Variants in ANXA3 observed in about 807,000 individuals in gnomAD.
ANXA3 encodes 35-alpha calcimedin.
A neutral mutation model predicts 48.8 loss-of-function variants in ANXA3; 46 were observed. The ratio of observed to expected loss-of-function variants is 0.94; its 90% CI spans 0.74 to 1.21. ANXA3 has a LOEUF of 1.21. ANXA3 is among the 50% of genes most tolerant of loss of function. The pLI is 0.00. For missense variants in ANXA3, 383 were observed against 378.6 expected (o/e 1.01, Z -0.10); for synonymous variants, 128 against 134.7 (o/e 0.95, Z 0.35).
rs192606406 is a variant in ANXA3, at chr4:78,580,815, C to T, written c.199-1362C>T. Among the ~76,000 whole-genome samples, 537 of 152,336 alleles carry T rather than the reference C, an allele frequency of 3.5e-3. 2 individuals carry two copies. The highest frequency in any genetic ancestry group is 0.012 in the African/African-American group (511 of 41,574). ...GCCTTAGGATAAGGACTTTGTCTAACTTACCTTTAAAGGACTAGCACAGAG... is the reference window on the plus strand; with the variant it reads ...GCCTTAGGATAAGGACTTTGTCTAATTTACCTTTAAAGGACTAGCACAGAG... On this transcript the variant is annotated intron_variant, in intron 4 of 12. Coordinates refer to ENST00000264908, the MANE Select transcript of ANXA3 (RefSeq NM_005139.3).
chr4:78,563,804 A>G (rs1722674017), intron 2 of ANXA3, among the ~76,000 whole-genome samples: 1 of 152,192 alleles, frequency 6.6e-6, no homozygotes, highest in Non-Finnish European at 1.5e-5. Flanking sequence ...ATATTTCTCC[A>G]TATATCCAGG....
chr4:78,585,218 T>C (rs559982271), intron 5 of ANXA3, among the ~76,000 whole-genome samples: 4 of 152,340 alleles, frequency 2.6e-5, no homozygotes, highest in South Asian at 2.1e-4. Flanking sequence ...ATTGTAAGGA[T>C]TAGATTCACC....
Position 78,562,564 on chromosome 4 carries a change from G to A in ANXA3, c.15+8076G>A, listed in dbSNP as rs145582705. Among the ~76,000 whole-genome samples the A allele has an allele frequency of 1.1e-4, 17 of 152,284 alleles. No individual in the cohort carries two copies. In the East Asian group the frequency reaches 2.7e-3, roughly 24 times the overall value. Reference sequence around the variant, plus strand: ...AAGAAACAGGATGCAGAACAAGAAAGCATTTTTAATTCATTTATTCACTCA... The same window carrying A: ...AAGAAACAGGATGCAGAACAAGAAAACATTTTTAATTCATTTATTCACTCA... On this transcript the variant is annotated intron_variant, in intron 2 of 12. Coordinates refer to ENST00000264908, the MANE Select transcript of ANXA3 (RefSeq NM_005139.3).
rs148686454 is a variant in ANXA3 at position 78,569,314 on chromosome 4, G to A, written c.16-3866G>A. Among the ~76,000 whole-genome samples, 824 of 151,980 alleles carry A rather than the reference G, an allele frequency of 5.4e-3. 3 individuals carry two copies. The highest frequency in any genetic ancestry group is 6.5e-3 in the Non-Finnish European group (445 of 67,972). ...GCCAAGTATTCAGGTGATGTTCTACGCTAGCACTGACTATGTTAGGACACT... is the reference window on the plus strand; with the variant it reads ...GCCAAGTATTCAGGTGATGTTCTACACTAGCACTGACTATGTTAGGACACT... On this transcript the variant is annotated intron_variant, in intron 2 of 12. Transcript: ENST00000264908.
At chr4:78,589,609 C>A (rs1164724529) in intron 6 of ANXA3, among the ~76,000 whole-genome samples, 1 of 152,174 alleles carries the variant, frequency 6.6e-6, no homozygotes, top group Non-Finnish European at 1.5e-5. Context: ...TTTGTCTACC[C>A]AAGGCTTATA....
intron 2 of ANXA3, among the ~76,000 whole-genome samples, chr4:78,559,802 T>C (rs1722589088): frequency 6.6e-6 from 1 of 152,246 alleles, no homozygotes; most frequent in Non-Finnish European, 1.5e-5. Flanking sequence ...TAATAGTGCT[T>C]ATCTCATCTA....
intron 2 of ANXA3, among the ~76,000 whole-genome samples, chr4:78,555,883 G>GA (rs374153495): frequency 6.7e-6 from 1 of 149,956 alleles, no homozygotes; most frequent in African/African-American, 2.4e-5. Context: ...TCTCAGAATT[G>GA]AAAAAAACAT....
chr4:78,583,224 C>T (rs1723108744), intron 5 of ANXA3, among the ~76,000 whole-genome samples: 1 of 152,120 alleles, frequency 6.6e-6, no homozygotes, highest in Non-Finnish European at 1.5e-5. Flanking sequence ...TTCCTGTAGT[C>T]CCAGCTACTT....
intron 12 of ANXA3, among the ~76,000 whole-genome samples, chr4:78,606,596 TG>T (rs1723652989): frequency 6.6e-6 from 1 of 152,138 alleles, no homozygotes; most frequent in African/African-American, 2.4e-5. Flanking sequence ...TAGCCACCCT[TG>T]AACAGGCACA....
intron 10 of ANXA3, among the ~76,000 whole-genome samples, chr4:78,598,168 A>C (rs1014235798): frequency 1.3e-5 from 2 of 149,364 alleles, no homozygotes; most frequent in Non-Finnish European, 1.5e-5. Context: ...TTGTCTCTTT[A>C]ATTAAAAAAA....
At chr4:78,572,546 G>T (rs1468228765) in intron 2 of ANXA3, among the ~76,000 whole-genome samples, 4 of 152,172 alleles carry the variant, frequency 2.6e-5, no homozygotes, top group African/African-American at 7.2e-5. Context: ...CATGCTGATT[G>T]GTTGGAGATG....
At chr4:78,585,064 A>T (rs1723144510) in intron 5 of ANXA3, among the ~76,000 whole-genome samples, 1 of 152,126 alleles carries the variant, frequency 6.6e-6, no homozygotes. Flanking sequence ...AGAGGGCATG[A>T]CCTCAGTGTG....
chr4:78,566,488 CAA>C (rs397777058), intron 2 of ANXA3, among the ~76,000 whole-genome samples: 4 of 141,472 alleles, frequency 2.8e-5, no homozygotes, highest in African/African-American at 7.9e-5. Flanking sequence ...CACTCAGCCA[CAA>C]AAAAAAAAAA....
chr4:78,590,084 A>G (rs1195592889), intron 6 of ANXA3, among the ~76,000 whole-genome samples: 7 of 152,230 alleles, frequency 4.6e-5, no homozygotes, highest in Non-Finnish European at 2.9e-5. Context: ...GGAAAGGGAG[A>G]GGCTGTGTGA....
chr4:78,597,476 C>A, intron 10 of ANXA3, 62 bp downstream of exon 10: 1 of 1,139,602 alleles, frequency 8.8e-7, no homozygotes, highest in Non-Finnish European at 1.3e-6. Flanking sequence ...AGTGCCGAGG[C>A]CTGCTCCTTT....
intron 3 of ANXA3, among the ~76,000 whole-genome samples, chr4:78,577,721 A>G (rs748942970): frequency 1.3e-5 from 2 of 152,112 alleles, no homozygotes; most frequent in East Asian, 3.9e-4. Context: ...CCTTGACACA[A>G]AGAAGTTGAG....
intron 5 of ANXA3, among the ~76,000 whole-genome samples, chr4:78,585,797 G>T (rs1403562663): frequency 6.6e-6 from 1 of 152,160 alleles, no homozygotes; most frequent in Non-Finnish European, 1.5e-5. Context: ...CCCCATGCCA[G>T]CCAGGCCCAT....
chr4:78,582,095 A>G (rs181540556), intron 4 of ANXA3, 82 bp from the exon 5 acceptor site: 181 of 802,840 alleles, frequency 2.3e-4, no homozygotes, highest in Middle Eastern at 1.3e-3. Context: ...ATTTTGATAC[A>G]TATGTTCATC....
chr4:78,573,190 G>A lies in ANXA3; in HGVS notation c.26G>A (p.Arg9Gln), dbSNP rs754956769. 5.0e-5 allele frequency: 80 copies of A among 1,612,438 alleles called. No individual in the cohort carries two copies. The highest frequency in any genetic ancestry group is 3.3e-4 in the East Asian group (15 of 44,872). The change falls in exon 3 of 13, where the codon CGA (arginine) becomes CAA (glutamine). Residue 9 changes from arginine (R) to glutamine (Q), a missense_variant. By Grantham distance (43) the Arg-to-Gln change is conservative. Coordinates refer to ENST00000264908, the MANE Select transcript of ANXA3 (RefSeq NM_005139.3). The part of the protein sequence containing the change: MASIWVGH[R>Q]GTVRDYPDFS... ...AGTATTTCCTTCTAGGTTGGACACCGAGGAACAGTAAGAGATTATCCAGAC... is the reference window on the plus strand; with the variant it reads ...AGTATTTCCTTCTAGGTTGGACACCAAGGAACAGTAAGAGATTATCCAGAC...
Sources: gnomAD v4.1 joint callset for allele counts (sites outside exome capture counted in the v4.1 genomes callset) on GRCh38, gnomAD v4.1.1 for gene constraint, MANE v1.5 for transcripts, NCBI Gene and HGNC (gene_info 2026-07-23, HGNC 2026-07-21) for gene names.